The following GABRB1 variants were observed in gnomAD, a reference collection of about 807,000 sequenced individuals.
The protein encoded by GABRB1 is gamma-aminobutyric acid receptor subunit beta-1.
Under a neutral mutation model 51.6 loss-of-function variants are expected in GABRB1, and 17 were observed. The ratio of observed to expected loss-of-function variants is 0.33; its 90% CI spans 0.23 to 0.49. GABRB1 has a LOEUF of 0.49. Ranked by LOEUF, GABRB1 falls within the 20% of genes least tolerant of loss-of-function variation. The probability of loss-of-function intolerance (pLI) is 0.99; values close to 1 mark genes in which losing one functional copy is unlikely to be tolerated. For synonymous variants in GABRB1, 247 were observed against 218.9 expected, an observed-to-expected ratio of 1.13 and a Z score of -1.14; for missense variants, 410 against 600.6, an observed-to-expected ratio of 0.68 and a Z score of 3.32.
chr4:47,115,332 T>A (rs898663231), intron 3 of GABRB1, among the ~76,000 whole-genome samples: 1 of 152,180 alleles, frequency 6.6e-6, no homozygotes, highest in Admixed American at 6.6e-5. Flanking sequence ...AAAATTTGGT[T>A]ACTAACTTTG....
chr4:47,131,045 A>G (rs1168414585), intron 3 of GABRB1, among the ~76,000 whole-genome samples: 7 of 152,170 alleles, frequency 4.6e-5, no homozygotes, highest in Non-Finnish European at 1.0e-4. Context: ...CACTGCCTTG[A>G]TTTAAAGCCT....
chr4:46,997,566 T>C (rs1724039710), intron 1 of GABRB1, among the ~76,000 whole-genome samples: 1 of 152,132 alleles, frequency 6.6e-6, no homozygotes, highest in Admixed American at 6.5e-5. Flanking sequence ...TGACTATTTA[T>C]AGATTCCACA....
chr4:47,395,779 ATTG>A (rs905817254), intron 5 of GABRB1, among the ~76,000 whole-genome samples: 5 of 152,172 alleles, frequency 3.3e-5, no homozygotes, highest in South Asian at 2.1e-4. Context: ...CCCAAAAGAA[ATTG>A]TTATTACCTT....
At chr4:47,415,723 T>G (rs115938383) in intron 8 of GABRB1, among the ~76,000 whole-genome samples, 1,789 of 152,322 alleles carry the variant, frequency 0.012, 42 homozygotes, top group African/African-American at 0.041. Context: ...CAACCTACTA[T>G]GACCCTTGGG....
At chr4:47,158,678 G>C (rs1717807392) in intron 3 of GABRB1, among the ~76,000 whole-genome samples, 1 of 151,950 alleles carries the variant, frequency 6.6e-6, no homozygotes, top group Non-Finnish European at 1.5e-5. Flanking sequence ...TCCTATACTG[G>C]CTGAATTATA....
intron 5 of GABRB1, among the ~76,000 whole-genome samples, chr4:47,379,254 C>G (rs1192669718): frequency 6.6e-6 from 1 of 151,974 alleles, no homozygotes; most frequent in Non-Finnish European, 1.5e-5. Flanking sequence ...ACAGATGGTC[C>G]CTGATTGGTG....
chr4:47,420,029 T>A (rs773062457), intron 8 of GABRB1, among the ~76,000 whole-genome samples: 15 of 152,188 alleles, frequency 9.9e-5, no homozygotes, highest in Non-Finnish European at 1.3e-4. Flanking sequence ...AAAAAGAGAA[T>A]CCATTATGTT....
At chr4:47,255,405 A>G (rs772965594) in intron 4 of GABRB1, among the ~76,000 whole-genome samples, 1 of 152,220 alleles carries the variant, frequency 6.6e-6, no homozygotes, top group Non-Finnish European at 1.5e-5. Context: ...AAGTTATCAC[A>G]AGAGTTAGGT....
chr4:47,250,391 C>G (rs1320925833), intron 4 of GABRB1, among the ~76,000 whole-genome samples: 1 of 152,162 alleles, frequency 6.6e-6, no homozygotes, highest in Non-Finnish European at 1.5e-5. Context: ...AGAGTCTTTC[C>G]TTCATCTTAA....
chr4:47,246,334 GTACATATATATATATATATATATA>G (rs1721748298), intron 4 of GABRB1, among the ~76,000 whole-genome samples: 1 of 7,652 alleles, frequency 1.3e-4, no homozygotes, highest in Non-Finnish European at 2.6e-4. Context: ...ACACACATAT[GTACATATATATATATATATATATA>G]TATATATATA....
At chr4:47,290,268 G>A (rs543915704) in intron 4 of GABRB1, among the ~76,000 whole-genome samples, 29 of 152,312 alleles carry the variant, frequency 1.9e-4, no homozygotes, top group African/African-American at 5.8e-4. Context: ...AGTCTCCTGA[G>A]ATCTGATGGT....
intron 5 of GABRB1, among the ~76,000 whole-genome samples, chr4:47,397,978 C>G (rs1382026425): frequency 6.6e-6 from 1 of 152,168 alleles, no homozygotes; most frequent in Non-Finnish European, 1.5e-5. Flanking sequence ...ATGAGGCAAT[C>G]ATATTAAATT....
chr4:47,203,160 C>T (rs966630243), intron 4 of GABRB1, among the ~76,000 whole-genome samples: 2 of 152,162 alleles, frequency 1.3e-5, no homozygotes, highest in East Asian at 3.9e-4. Context: ...GACAAGTCAG[C>T]CACTTTGCTT....
intron 3 of GABRB1, chr4:47,043,206 T>C (rs1329098665): frequency 6.6e-6 from 1 of 152,084 alleles, no homozygotes; most frequent in Non-Finnish European, 1.5e-5. Flanking sequence ...TCTGTCTTCA[T>C]GTGGGGAGAA....
At chr4:47,167,704 T>C (rs1228204000) in intron 4 of GABRB1, among the ~76,000 whole-genome samples, 2 of 152,110 alleles carry the variant, frequency 1.3e-5, no homozygotes, top group Admixed American at 6.6e-5. Flanking sequence ...TCCTTGCAAA[T>C]GGACTAAAGC....
At chr4:47,417,488 GA>G (rs1220929327) in intron 8 of GABRB1, among the ~76,000 whole-genome samples, 1 of 151,820 alleles carries the variant, frequency 6.6e-6, no homozygotes, top group East Asian at 1.9e-4. Flanking sequence ...CAGCCTAAGA[GA>G]TCAGGGTTTG....
intron 3 of GABRB1, among the ~76,000 whole-genome samples, chr4:47,156,110 G>A (rs1008679645): frequency 9.2e-5 from 14 of 151,452 alleles, no homozygotes; most frequent in South Asian, 2.1e-4. Flanking sequence ...GCTAGATCAC[G>A]TGATAGTTCT....
intron 4 of GABRB1, among the ~76,000 whole-genome samples, chr4:47,281,930 T>C (rs1213701333): frequency 6.6e-6 from 1 of 152,224 alleles, no homozygotes; most frequent in African/African-American, 2.4e-5. Context: ...ATACAAAGTT[T>C]CAGTTAAACT....
chr4:47,347,853 T>C (rs1302500941), intron 5 of GABRB1, among the ~76,000 whole-genome samples: 2 of 152,112 alleles, frequency 1.3e-5, no homozygotes, highest in Non-Finnish European at 2.9e-5. Flanking sequence ...AGAAAAAGTG[T>C]TACAGACAAC....
Sources: allele counts gnomAD v4.1 joint callset (sites outside exome capture counted in the v4.1 genomes callset), GRCh38; gene constraint gnomAD v4.1.1; transcripts MANE v1.5; gene names NCBI Gene and HGNC (gene_info 2026-07-23, HGNC 2026-07-21).